The following CALCR variants were observed in gnomAD, a reference collection of about 807,000 sequenced individuals.
The protein encoded by CALCR is calcitonin receptor.
CALCR carries 47 observed loss-of-function variants against 59.5 expected under a neutral mutation model. That is an observed-to-expected ratio of 0.79 (90% CI 0.63 to 1.01). The LOEUF (loss-of-function observed/expected upper bound fraction) is 1.01, where lower values mean the gene tolerates loss of function less well. Among genes scored for constraint, CALCR ranks in the 50% least tolerant of loss-of-function variants. The probability of loss-of-function intolerance (pLI) is 0.00; values close to 1 mark genes in which losing one functional copy is unlikely to be tolerated. For synonymous variants in CALCR, 213 were observed against 211.3 expected, an observed-to-expected ratio of 1.01 and a Z score of -0.07; for missense variants, 566 against 597.1, an observed-to-expected ratio of 0.95 and a Z score of 0.54.
At chr7:93,490,062 T>C (rs1264781605) in intron 2 of CALCR, among the ~76,000 whole-genome samples, 1 of 151,882 alleles carries the variant, frequency 6.6e-6, no homozygotes, top group Admixed American at 6.6e-5. Context: ...GTATCCACCA[T>C]GATCAAGTCG....
At chr7:93,568,328 T>C (rs1054848317) in intron 2 of CALCR, among the ~76,000 whole-genome samples, 1 of 152,160 alleles carries the variant, frequency 6.6e-6, no homozygotes, top group Admixed American at 6.5e-5. Flanking sequence ...GAAATTATTG[T>C]GTACAATCAG....
At chr7:93,495,040 A>G (rs1025224320) in intron 2 of CALCR, among the ~76,000 whole-genome samples, 3 of 151,376 alleles carry the variant, frequency 2.0e-5, no homozygotes, top group Admixed American at 6.6e-5. Flanking sequence ...ATTCCAGGTG[A>G]TATTGTTATG....
chr7:93,561,200 TA>T (rs1430591384), intron 2 of CALCR, among the ~76,000 whole-genome samples: 1 of 152,196 alleles, frequency 6.6e-6, no homozygotes, highest in African/African-American at 2.4e-5. Flanking sequence ...AAGCACTTAG[TA>T]GGTTGCATGC....
At chr7:93,454,139 C>CA (rs756147720) in intron 8 of CALCR, among the ~76,000 whole-genome samples, 6 of 152,060 alleles carry the variant, frequency 3.9e-5, no homozygotes, top group Middle Eastern at 6.8e-3. Flanking sequence ...GTCACATTTA[C>CA]ATACTGTCCC....
chr7:93,474,630 A>C (rs1035656046), intron 5 of CALCR, among the ~76,000 whole-genome samples: 52 of 151,944 alleles, frequency 3.4e-4, no homozygotes, highest in African/African-American at 1.2e-3. Flanking sequence ...TGCCAAATTT[A>C]ATCTGAGTTA....
At chr7:93,467,718 G>A (rs768907262) in intron 7 of CALCR, among the ~76,000 whole-genome samples, 2 of 151,316 alleles carry the variant, frequency 1.3e-5, no homozygotes, top group African/African-American at 4.8e-5. Context: ...CATTTTTTAA[G>A]TGTGGATGAT....
chr7:93,452,724 A>G (rs934932175), intron 8 of CALCR, among the ~76,000 whole-genome samples: 1 of 152,030 alleles, frequency 6.6e-6, no homozygotes, highest in African/African-American at 2.4e-5. Context: ...TGAGATAAAT[A>G]CAGCAGGAGA....
chr7:93,430,074 A>G (rs1005350851), intron 13 of CALCR, among the ~76,000 whole-genome samples: 2 of 147,360 alleles, frequency 1.4e-5, no homozygotes, highest in Non-Finnish European at 3.0e-5. Flanking sequence ...TGGAACTACA[A>G]GGGCCTGCCA....
intron 2 of CALCR, among the ~76,000 whole-genome samples, chr7:93,538,979 A>G (rs1378644762): frequency 6.6e-6 from 1 of 152,106 alleles, no homozygotes; most frequent in Non-Finnish European, 1.5e-5. Flanking sequence ...AGAGTCTCAG[A>G]TGAAGAAATT....
Position 93,472,369 on chromosome 7 carries a change from A to T in CALCR, c.429+6T>A. On this transcript the variant is annotated splice_donor_region_variant and intron_variant, in intron 6 of 13. Transcript: ENST00000426151. Reference sequence around the variant, plus strand: ...ACTCAATACTGAAACGTGAAAAAGAACCTACCTTCAGTTTCTCAGGAGTGA... The same window carrying T: ...ACTCAATACTGAAACGTGAAAAAGATCCTACCTTCAGTTTCTCAGGAGTGA... The T allele has an allele frequency of 6.6e-7, 1 of 1,517,942 alleles. No individual in the cohort carries two copies. Among genetic ancestry groups the T allele is most frequent in the Non-Finnish European group, 9.1e-7 (1 of 1,095,604 alleles). 94.0% of individuals were successfully genotyped at this position (1,517,942 alleles called of 1,614,324 possible).
chr7:93,444,134 A>G (rs1799966342), intron 8 of CALCR, among the ~76,000 whole-genome samples: 1 of 152,148 alleles, frequency 6.6e-6, no homozygotes, highest in Admixed American at 6.6e-5. Context: ...CAAATAACGC[A>G]GATATTTTTA....
At chr7:93,456,050 C>CG (rs2115783793) in intron 8 of CALCR, among the ~76,000 whole-genome samples, 1 of 152,234 alleles carries the variant, frequency 6.6e-6, no homozygotes, top group South Asian at 2.1e-4. Flanking sequence ...TCTAACAAAA[C>CG]TCTCATTGGA....
chr7:93,519,882 A>G (rs979020187), intron 2 of CALCR, among the ~76,000 whole-genome samples: 1 of 151,968 alleles, frequency 6.6e-6, no homozygotes, highest in African/African-American at 2.4e-5. Context: ...ACCTTTGACT[A>G]TGAATGTAGG....
chr7:93,532,838 CAAAAAAAAAAA>C (rs57128008), intron 2 of CALCR, among the ~76,000 whole-genome samples: 11 of 95,716 alleles, frequency 1.1e-4, no homozygotes, highest in African/African-American at 2.0e-4. Flanking sequence ...ATGTCCAAAG[CAAAAAAAAAAA>C]AAAAAAAAAA....
intron 2 of CALCR, among the ~76,000 whole-genome samples, 163 bp from the exon 3 acceptor site, chr7:93,487,170 A>C (rs1053082995): frequency 9.9e-5 from 15 of 151,496 alleles, no homozygotes; most frequent in African/African-American, 3.6e-4. Context: ...ATGCAAATGC[A>C]GTGAAGATTC....
intron 2 of CALCR, among the ~76,000 whole-genome samples, chr7:93,537,165 A>T (rs1332138186): frequency 1.3e-5 from 2 of 151,808 alleles, no homozygotes; most frequent in Non-Finnish European, 3.0e-5. Context: ...TCCTCATTTT[A>T]AATAAGCATT....
Position 93,510,100 on chromosome 7 carries a change from C to T in CALCR, c.-26-23093G>A, listed in dbSNP as rs986811741. Among the ~76,000 whole-genome samples the T allele has an allele frequency of 5.3e-5, 8 of 152,080 alleles. No individual in the cohort carries two copies. The East Asian group carries it at 7.7e-4, about 15-fold the overall frequency. On this transcript the variant is annotated intron_variant, in intron 2 of 13. Transcript: ENST00000426151. ...TTTCTTTGTATAAATTTCTTTGTCA[C>T]GAGCAAGGACATTTATTTATTATTT...
intron 2 of CALCR, among the ~76,000 whole-genome samples, chr7:93,542,730 A>T (rs866211145): frequency 8.7e-4 from 132 of 152,240 alleles, no homozygotes; most frequent in African/African-American, 3.0e-3. Context: ...TTTTTAAATT[A>T]ATTTTTTTCT....
intron 2 of CALCR, among the ~76,000 whole-genome samples, chr7:93,536,262 C>CT (rs1563011660): frequency 1.3e-5 from 2 of 151,708 alleles, no homozygotes; most frequent in African/African-American, 4.8e-5. Flanking sequence ...CACACTATTT[C>CT]ATGGAAGTGA....
Sources: gnomAD v4.1 joint callset for allele counts (sites outside exome capture counted in the v4.1 genomes callset) on GRCh38, gnomAD v4.1.1 for gene constraint, MANE v1.5 for transcripts, NCBI Gene and HGNC (gene_info 2026-07-23, HGNC 2026-07-21) for gene names.